Variants in ADRA1D observed in about 807,000 individuals in gnomAD.
ADRA1D encodes alpha-1D adrenergic receptor.
ADRA1D carries 22 observed loss-of-function variants against 18.6 expected under a neutral mutation model. The ratio of observed to expected loss-of-function variants is 1.19; its 90% CI spans 0.85 to 1.69. The LOEUF (loss-of-function observed/expected upper bound fraction) is 1.69. Among genes scored for constraint, ADRA1D ranks in the 40% most tolerant of loss-of-function variants. ADRA1D has a pLI of 0.00. For synonymous variants in ADRA1D, 376 were observed against 388.2 expected, an observed-to-expected ratio of 0.97 and a Z score of 0.37; for missense variants, 840 against 840.7, an observed-to-expected ratio of 1.00 and a Z score of 0.01.
At chr20:4,241,249 C>T (rs113927681) in intron 1 of ADRA1D, among the ~76,000 whole-genome samples, 46 of 152,102 alleles carry the variant, frequency 3.0e-4, no homozygotes, top group African/African-American at 9.9e-4. Flanking sequence ...GGAGAAAGGG[C>T]GCTAGGAAAT....
At chr20:4,228,207 G>A (rs1337381198) in intron 1 of ADRA1D, among the ~76,000 whole-genome samples, 1 of 152,106 alleles carries the variant, frequency 6.6e-6, no homozygotes, top group Non-Finnish European at 1.5e-5. Context: ...TCTGGATGTA[G>A]GGAGACTCAT....
At position 4,239,018 on chromosome 20, in the gene ADRA1D, G is replaced by A. The variant is rs1294273446; in HGVS notation, c.1111+8829C>T. 6.6e-6 allele frequency among the ~76,000 whole-genome samples: 1 copy of A among 152,024 alleles called. No homozygotes were observed. Among genetic ancestry groups the A allele is most frequent in the African/African-American group, 2.4e-5 (1 of 41,396 alleles). ...AGCAGGTGTAATGGGAACCAAGCAG[G>A]GAGGACAGGAGCAGATGGACTCAGG... On this transcript the variant is annotated intron_variant, in intron 1 of 1. Coordinates refer to ENST00000379453, the MANE Select transcript of ADRA1D (RefSeq NM_000678.4). The surrounding 1 kb of genome is among the most constrained non-coding windows in gnomAD (Gnocchi z 4.9).
Position 4,221,905 on chromosome 20 carries a change from C to T in ADRA1D, c.1337G>A (p.Arg446His), listed in dbSNP as rs900444027. 79 of 1,522,988 alleles carry T rather than the reference C, an allele frequency of 5.2e-5. No individual in the cohort carries two copies. Among genetic ancestry groups the T allele is most frequent in the Non-Finnish European group, 6.6e-5 (75 of 1,138,070 alleles). The allele number at this position is 1,522,988 out of a possible 1,614,324, so 94.3% of individuals were successfully genotyped here. ...GCCCGAACTCGGGGCGCAGTCCTGG[C>T]GCAGGCCGCTGGTGGAGGCCCGCCA... ...HHWRASTSGL[R>H]QDCAPSSGDA... The change falls in exon 2 of 2, where the codon CGC becomes CAC. Residue 446 changes from arginine to histidine, a missense_variant. Transcript: ENST00000379453.
intron 1 of ADRA1D, among the ~76,000 whole-genome samples, chr20:4,245,876 G>T (rs144370710): frequency 6.5e-4 from 99 of 152,214 alleles, no homozygotes; most frequent in Non-Finnish European, 1.0e-3. Context: ...TGTTGCTTAG[G>T]GTCCGTTGCT....
At chr20:4,240,125 G>C (rs1360901734) in intron 1 of ADRA1D, among the ~76,000 whole-genome samples, 1 of 151,238 alleles carries the variant, frequency 6.6e-6, no homozygotes, top group Non-Finnish European at 1.5e-5. Flanking sequence ...GGAACAGAGG[G>C]ACACATTAAA....
intron 1 of ADRA1D, among the ~76,000 whole-genome samples, chr20:4,231,256 C>A (rs1367947465): frequency 9.0e-6 from 1 of 111,432 alleles, no homozygotes; most frequent in Non-Finnish European, 1.9e-5. Flanking sequence ...TGCCACTACA[C>A]CTGGCTAATT....
At chr20:4,223,736 A>G (rs1340384875) in intron 1 of ADRA1D, among the ~76,000 whole-genome samples, 1 of 152,228 alleles carries the variant, frequency 6.6e-6, no homozygotes, top group Non-Finnish European at 1.5e-5. Context: ...TACATGAGAT[A>G]TGCAACACTT....
chr20:4,221,854 G>C lies in ADRA1D; in HGVS notation c.1388C>G (p.Ala463Gly), dbSNP rs1030571968. The change falls in exon 2 of 2, where the codon GCC (alanine) becomes GGC (glycine). Residue 463 changes from alanine to glycine, a missense_variant. Transcript: ENST00000379453. ...GTCGGGGTCGGGGAGCGCGGTGAGG[G>C]CCAGCGGCGCTCCGGGGGGCGCGTC... The part of the protein sequence containing the change: ...SGDAPPGAPL[A>G]LTALPDPDPE... The C allele has an allele frequency of 1.4e-6, 2 of 1,469,544 alleles. No homozygotes were observed. The highest frequency in any genetic ancestry group is 2.9e-5 in the African/African-American group (2 of 68,094). The allele number at this position is 1,469,544 out of a possible 1,614,324, so 91.0% of individuals were successfully genotyped here. A position where few individuals can be genotyped will look rare whatever the true frequency, so the allele number is the denominator to read the frequency against.
In ADRA1D at chr20:4,229,619, C is replaced by T. The variant is rs577483150; in HGVS notation, c.1112-7489G>A. Among the ~76,000 whole-genome samples, 204 of 152,142 alleles carry T rather than the reference C, an allele frequency of 1.3e-3. 1 individual carries two copies. Among genetic ancestry groups the T allele is most frequent in the African/African-American group, 4.5e-3 (186 of 41,516 alleles). On this transcript the variant is annotated intron_variant, in intron 1 of 1. Transcript: ENST00000379453. ...AAGTGCAAAGGCCCTGAGGTGGCTC[C>T]GGTATGTTTGTAGAACGATGACGAG... is the stretch of plus-strand genomic sequence containing the variant.
At chr20:4,243,711 A>T (rs1029279469) in intron 1 of ADRA1D, among the ~76,000 whole-genome samples, 19 of 151,610 alleles carry the variant, frequency 1.3e-4, no homozygotes, top group African/African-American at 4.6e-4. Flanking sequence ...TTCTACACGC[A>T]CCTCCGCACC....
Position 4,221,689 on chromosome 20 carries a change from G to T in ADRA1D, c.1553C>A (p.Ser518Ter), listed in dbSNP as rs763837656. Residue 518 changes from serine to a stop codon, truncating the protein, a stop_gained, in exon 2 of 2, where the codon TCG (serine) becomes TAG (stop). Coordinates refer to ENST00000379453, the MANE Select transcript of ADRA1D (RefSeq NM_000678.4). LOFTEE classifies it low-confidence loss of function (END_TRUNC). The part of the protein sequence containing the change: ...TQLRAKVSSL[S>*]HKIRAGGAQR... ...CGCGCCCCCGGCGCGGATCTTGTGCGACAGGCTGGAGACTTTGGCGCGCAG... is the reference window on the plus strand; with the variant it reads ...CGCGCCCCCGGCGCGGATCTTGTGCTACAGGCTGGAGACTTTGGCGCGCAG... 8 of 1,611,992 alleles carry T rather than the reference G, an allele frequency of 5.0e-6. No homozygotes were observed. The highest frequency in any genetic ancestry group is 3.3e-5 in the Admixed American group (2 of 59,966).
intron 1 of ADRA1D, among the ~76,000 whole-genome samples, chr20:4,246,549 G>A (rs1048937458): frequency 1.8e-4 from 28 of 152,080 alleles, no homozygotes; most frequent in Non-Finnish European, 3.7e-4. Context: ...GAAGCGGCAA[G>A]ACCGTGACGG....
In ADRA1D at chr20:4,222,248, C is replaced by A; in HGVS notation, c.1112-118G>T. The A allele has an allele frequency of 7.2e-7, 1 of 1,396,196 alleles. No homozygotes were observed. The highest frequency in any genetic ancestry group is 9.5e-7 in the Non-Finnish European group (1 of 1,055,970). The allele number at this position is 1,396,196 out of a possible 1,614,324, so 86.5% of individuals were successfully genotyped here. A position where few individuals can be genotyped will look rare whatever the true frequency, so the allele number is the denominator to read the frequency against. On this transcript the variant is annotated intron_variant, in intron 1 of 1. Transcript: ENST00000379453. The surrounding 1 kb of genome is among the most constrained non-coding windows in gnomAD (Gnocchi z 4.3). ...GGCTGAGTCATTGACTAGGAGTTCT[C>A]AAGGGATCCGTGCTGTAAATCAGGA...
At chr20:4,231,572 G>A (rs992112647) in intron 1 of ADRA1D, among the ~76,000 whole-genome samples, 17 of 152,184 alleles carry the variant, frequency 1.1e-4, no homozygotes, top group African/African-American at 3.6e-4. Flanking sequence ...GGCCTCTAAT[G>A]TGCAGAGGAA....
intron 1 of ADRA1D, among the ~76,000 whole-genome samples, chr20:4,226,762 T>G (rs2122657204): frequency 6.6e-6 from 1 of 152,340 alleles, no homozygotes; most frequent in South Asian, 2.1e-4. Context: ...CAACTTTGTT[T>G]TATGTGTTCT....
At chr20:4,238,059 C>T (rs1423628743) in intron 1 of ADRA1D, among the ~76,000 whole-genome samples, 2 of 149,026 alleles carry the variant, frequency 1.3e-5, no homozygotes, top group Non-Finnish European at 3.0e-5. Context: ...ACCAGCCTGG[C>T]CAACATGGTG....
intron 1 of ADRA1D, among the ~76,000 whole-genome samples, chr20:4,234,532 C>T (rs1258946443): frequency 6.6e-6 from 1 of 152,150 alleles, no homozygotes; most frequent in Non-Finnish European, 1.5e-5. Context: ...GTAAAAATAC[C>T]CCATCCTTCT....
At chr20:4,244,615 C>T (rs1568768975) in intron 1 of ADRA1D, among the ~76,000 whole-genome samples, 2 of 152,210 alleles carry the variant, frequency 1.3e-5, no homozygotes, top group African/African-American at 4.8e-5. Flanking sequence ...ACATTCCCCC[C>T]AAAAGTTGCT....
Position 4,248,498 on chromosome 20 carries a change from C to A in ADRA1D, c.460G>T (p.Ala154Ser), listed in dbSNP as rs751936076. 2 of 1,613,612 alleles carry A rather than the reference C, an allele frequency of 1.2e-6. No homozygotes were observed. The highest frequency in any genetic ancestry group is 1.7e-6 in the Non-Finnish European group (2 of 1,179,834). Reference protein sequence around the residue: ...LLSATVLPFSATMEVLGFWAF... With the variant: ...LLSATVLPFSSTMEVLGFWAF... ...CAGAAGCCCAGAACCTCCATGGTGG[C>A]CGAGAAGGGCAGTACGGTGGCGCTC... The change falls in exon 1 of 2, where the codon GCC becomes TCC. Residue 154 changes from alanine (A) to serine (S), a missense_variant. Coordinates refer to ENST00000379453, the MANE Select transcript of ADRA1D (RefSeq NM_000678.4).
Sources: allele counts gnomAD v4.1 joint callset (sites outside exome capture counted in the v4.1 genomes callset), GRCh38; gene constraint gnomAD v4.1.1; non-coding constraint Gnocchi (gnomAD v3.1); transcripts MANE v1.5; gene names NCBI Gene and HGNC (gene_info 2026-07-23, HGNC 2026-07-21).